Variants in RANBP17 observed in about 807,000 individuals in gnomAD.
RANBP17 encodes the protein RAN binding protein 17.
Under a neutral mutation model 141.2 loss-of-function variants are expected in RANBP17, and 158 were observed. That is an observed-to-expected ratio of 1.12 (90% CI 0.98 to 1.28). RANBP17 has a LOEUF of 1.28. RANBP17 is among the 50% of genes most tolerant of loss of function. The pLI, the probability that RANBP17 is intolerant of heterozygous loss-of-function variation, is 0.00. For missense variants in RANBP17, 1,438 were observed against 1,290.7 expected, an observed-to-expected ratio of 1.11 and a Z score of -1.75; for synonymous variants, 430 against 450.0, an observed-to-expected ratio of 0.96 and a Z score of 0.56.
At chr5:171,158,519 C>G (rs1759062897) in intron 14 of RANBP17, 1 of 179,900 alleles carries the variant, frequency 5.6e-6, no homozygotes, top group Non-Finnish European at 1.2e-5. Flanking sequence ...AAACTTTTAA[C>G]AAGAAAAATT....
chr5:171,172,491 G>A (rs1760166305), intron 16 of RANBP17, among the ~76,000 whole-genome samples: 1 of 149,842 alleles, frequency 6.7e-6, no homozygotes, highest in African/African-American at 2.5e-5. Context: ...TGGTCATTTG[G>A]CTTTTTAAGA....
At chr5:171,294,258 C>T (rs1247965999) in intron 26 of RANBP17, among the ~76,000 whole-genome samples, 1 of 152,166 alleles carries the variant, frequency 6.6e-6, no homozygotes, top group East Asian at 1.9e-4. Flanking sequence ...TTCCAGCTTG[C>T]CCTCACTCCA....
At chr5:171,219,561 C>T (rs954191308) in intron 21 of RANBP17, among the ~76,000 whole-genome samples, 2 of 152,044 alleles carry the variant, frequency 1.3e-5, no homozygotes, top group African/African-American at 4.8e-5. Context: ...TCACATAGTC[C>T]CATTTTTCTT....
chr5:171,081,282 A>C (rs1785245151), intron 14 of RANBP17, among the ~76,000 whole-genome samples: 2 of 152,138 alleles, frequency 1.3e-5, no homozygotes, highest in Admixed American at 1.3e-4. Flanking sequence ...GATGGCCTTC[A>C]CATCATTTAA....
At chr5:170,980,663 A>G (rs1777703704) in intron 14 of RANBP17, among the ~76,000 whole-genome samples, 1 of 152,062 alleles carries the variant, frequency 6.6e-6, no homozygotes, top group South Asian at 2.1e-4. Context: ...ATAGTTGGGA[A>G]CCTCCACCCA....
chr5:171,100,846 T>G (rs1787103447), intron 14 of RANBP17, among the ~76,000 whole-genome samples: 2 of 152,210 alleles, frequency 1.3e-5, no homozygotes, highest in Non-Finnish European at 2.9e-5. Context: ...TCTGCCTTAA[T>G]TTCGTTATTT....
At position 171,283,309 on chromosome 5, in the gene RANBP17, A is replaced by G. The variant is rs148824362; in HGVS notation, c.2944-10574A>G. Among the ~76,000 whole-genome samples, 230 of 152,328 alleles carry G rather than the reference A, an allele frequency of 1.5e-3. 1 individual carries two copies. Among genetic ancestry groups the G allele is most frequent in the African/African-American group, 5.4e-3 (226 of 41,576 alleles). On this transcript the variant is annotated intron_variant, in intron 25 of 27. Transcript: ENST00000523189. The stretch of plus-strand genomic sequence containing the variant: ...CTGGGACTGTGACTTGTTCATCTGT[A>G]TATTCCCAGGGTTTGACACAGAGCC...
intron 12 of RANBP17, among the ~76,000 whole-genome samples, chr5:170,934,048 T>G (rs1226431616): frequency 6.6e-6 from 1 of 152,182 alleles, no homozygotes; most frequent in Non-Finnish European, 1.5e-5. Context: ...TACGGGAGTC[T>G]AAGTCTCTTT....
Position 171,182,237 on chromosome 5 carries a change from G to A in RANBP17, c.1866-930G>A, listed in dbSNP as rs1760907533. Among the ~76,000 whole-genome samples the A allele has an allele frequency of 3.9e-5, 6 of 152,218 alleles. No homozygotes were observed. In the South Asian group the frequency reaches 8.3e-4, roughly 21 times the overall value. On this transcript the variant is annotated intron_variant, in intron 16 of 27. Transcript: ENST00000523189. The stretch of plus-strand genomic sequence containing the variant: ...CGTGAGTAGGTATTAGGGAATGGCC[G>A]AGAGATGCTCTAGCTGTGGTAGAAA...
At chr5:171,178,689 C>T (rs1044076832) in intron 16 of RANBP17, among the ~76,000 whole-genome samples, 2 of 152,110 alleles carry the variant, frequency 1.3e-5, no homozygotes, top group African/African-American at 2.4e-5. Context: ...TCTGTTGTTT[C>T]CTGACTTTTT....
At chr5:170,956,416 T>C (rs1192586863) in intron 13 of RANBP17, among the ~76,000 whole-genome samples, 1 of 152,166 alleles carries the variant, frequency 6.6e-6, no homozygotes, top group African/African-American at 2.4e-5. Flanking sequence ...CAATAAAATG[T>C]GAATCTTCAT....
chr5:170,869,472 G>A (rs993233477), intron 1 of RANBP17, among the ~76,000 whole-genome samples: 9 of 152,060 alleles, frequency 5.9e-5, no homozygotes, highest in Admixed American at 5.9e-4. Context: ...TATTTTCATA[G>A]ATCTGGTGGC....
chr5:170,983,505 T>C (rs1777913518), intron 14 of RANBP17, among the ~76,000 whole-genome samples: 1 of 151,962 alleles, frequency 6.6e-6, no homozygotes, highest in Non-Finnish European at 1.5e-5. Flanking sequence ...TGTTAGGGAG[T>C]CAAAAGATAA....
chr5:171,072,546 A>C (rs1784691412), intron 14 of RANBP17, among the ~76,000 whole-genome samples: 1 of 152,162 alleles, frequency 6.6e-6, no homozygotes, highest in African/African-American at 2.4e-5. Context: ...AACATCATTT[A>C]TCATTACAGA....
intron 14 of RANBP17, among the ~76,000 whole-genome samples, chr5:171,092,108 G>C (rs1295432216): frequency 2.0e-5 from 3 of 152,090 alleles, no homozygotes; most frequent in African/African-American, 7.2e-5. Context: ...GTTCATTCTA[G>C]TAACCCAAGG....
intron 13 of RANBP17, among the ~76,000 whole-genome samples, chr5:170,961,530 CTGAAATT>C (rs1357744646): frequency 6.6e-6 from 1 of 152,044 alleles, no homozygotes; most frequent in East Asian, 1.9e-4. Flanking sequence ...ATCCAAAAAT[CTGAAATT>C]TGAAATGCTT....
intron 3 of RANBP17, among the ~76,000 whole-genome samples, chr5:170,890,217 A>G (rs1769484649): frequency 6.6e-6 from 1 of 152,198 alleles, no homozygotes; most frequent in Non-Finnish European, 1.5e-5. Context: ...GGATATTAAA[A>G]ATAAAAGTGT....
chr5:170,991,719 G>A (rs1238535543), intron 14 of RANBP17, among the ~76,000 whole-genome samples: 1 of 151,714 alleles, frequency 6.6e-6, no homozygotes, highest in Non-Finnish European at 1.5e-5. Context: ...CAGAAATTTG[G>A]GATGATTAAG....
At chr5:170,982,355 A>G (rs1777830078) in intron 14 of RANBP17, among the ~76,000 whole-genome samples, 1 of 152,206 alleles carries the variant, frequency 6.6e-6, no homozygotes, top group Non-Finnish European at 1.5e-5. Flanking sequence ...TTCTGATAAT[A>G]CAATTGACAA....
Sources: allele counts gnomAD v4.1 joint callset (sites outside exome capture counted in the v4.1 genomes callset), GRCh38; gene constraint gnomAD v4.1.1; transcripts MANE v1.5; gene names NCBI Gene and HGNC (gene_info 2026-07-23, HGNC 2026-07-21).